Variants in DNAH11 observed in about 807,000 individuals in gnomAD.
The protein encoded by DNAH11 is axonemal beta dynein heavy chain 11.
In DNAH11, 442 loss-of-function variants were observed where a neutral mutation model predicts 526.0. That is an observed-to-expected ratio of 0.84 (90% CI 0.78 to 0.91). DNAH11 has a LOEUF of 0.91. DNAH11 is among the 40% of genes least tolerant of loss of function. The pLI is 0.00. For missense variants in DNAH11, 6,989 were observed against 5,448.7 expected (o/e 1.28, Z -8.90); for synonymous variants, 2,461 against 1,935.9 (o/e 1.27, Z -7.12).
chr7:21,775,223 G>A (rs1441974826), intron 56 of DNAH11, among the ~76,000 whole-genome samples: 3 of 152,150 alleles, frequency 2.0e-5, no homozygotes, highest in Non-Finnish European at 4.4e-5. Context: ...GGGTGAGTAG[G>A]TTTCCAGGAC....
intron 6 of DNAH11, among the ~76,000 whole-genome samples, chr7:21,564,897 T>A (rs545748005): frequency 1.4e-5 from 2 of 145,432 alleles, no homozygotes; most frequent in South Asian, 4.5e-4. Context: ...CTGCAAAATG[T>A]TAAAAAAAAA....
In DNAH11 at chr7:21,581,932, A is replaced by G; in HGVS notation, c.1621A>G (p.Lys541Glu). 1 of 1,611,276 alleles carries G rather than the reference A, an allele frequency of 6.2e-7. No individual in the cohort carries two copies. Among genetic ancestry groups the G allele is most frequent in the Non-Finnish European group, 8.5e-7 (1 of 1,178,616 alleles). ...GTTTGAAAGTGATTATGTGGCATTT[A>G]AGTCCAAAACTCTGGAATTTGACAG... Reference protein sequence around the residue: ...MEFESDYVAFKSKTLEFDRRL... With the variant: ...MEFESDYVAFESKTLEFDRRL... The change falls in exon 9 of 82, where the codon AAG (lysine) becomes GAG (glutamate). Residue 541 changes from lysine (K) to glutamate (E), a missense_variant. By Grantham distance (56) the Lys-to-Glu change is moderately conservative. Coordinates refer to ENST00000409508, the MANE Select transcript of DNAH11 (RefSeq NM_001277115.2).
rs140394867 is a variant in DNAH11 at position 21,625,443 on chromosome 7, C to G, written c.4500+5365C>G. Among the ~76,000 whole-genome samples the G allele has an allele frequency of 2.5e-3, 382 of 152,102 alleles. 2 individuals carry two copies. The highest frequency in any genetic ancestry group is 8.6e-3 in the African/African-American group (359 of 41,538). On this transcript the variant is annotated intron_variant, in intron 25 of 81. Coordinates refer to ENST00000409508, the MANE Select transcript of DNAH11 (RefSeq NM_001277115.2). ...AGGTTTGTTGATTTTGTTTACTATT[C>G]AAAAAACCAATTCTTCATTCCATTG...
chr7:21,774,154 A>G lies in DNAH11; in HGVS notation c.9336+155A>G, dbSNP rs537728777. ...CAAGAATACACTGCTACTGCTTTCA[A>G]AAGCCTACAATGGGATTGGCCGACT... is the stretch of plus-strand genomic sequence containing the variant. On this transcript the variant is annotated intron_variant, in intron 56 of 81. Coordinates refer to ENST00000409508, the MANE Select transcript of DNAH11 (RefSeq NM_001277115.2). Among the ~76,000 whole-genome samples, 9 of 152,300 alleles carry G rather than the reference A, an allele frequency of 5.9e-5. No individual in the cohort carries two copies. The South Asian group carries it at 1.9e-3, about 32-fold the overall frequency.
In DNAH11 at chr7:21,690,605, A is replaced by G. The variant is rs2965398; in HGVS notation, c.5925-160A>G. On this transcript the variant is annotated intron_variant, in intron 34 of 81. Coordinates refer to ENST00000409508, the MANE Select transcript of DNAH11 (RefSeq NM_001277115.2). ...AGGGTATTTTTAATAAATATGCTTC[A>G]AAACATATTCAAAATATGTATGGGC... Among the ~76,000 whole-genome samples, 31,036 of 152,218 alleles carry G rather than the reference A, an allele frequency of 0.2. 4,641 individuals are homozygous for G. Among genetic ancestry groups the G allele is most frequent in the African/African-American group, 0.42 (17,349 of 41,502 alleles).
chr7:21,590,702 T>G (rs1239424574), intron 12 of DNAH11, among the ~76,000 whole-genome samples: 1 of 152,146 alleles, frequency 6.6e-6, no homozygotes, highest in Non-Finnish European at 1.5e-5. Context: ...TAGAAACTAA[T>G]TTCTTGAGAT....
intron 45 of DNAH11, among the ~76,000 whole-genome samples, chr7:21,732,695 C>G (rs1230589738): frequency 6.6e-6 from 1 of 152,182 alleles, no homozygotes; most frequent in South Asian, 2.1e-4. Flanking sequence ...AATTCTGTGA[C>G]CTGGTGGAAT....
intron 25 of DNAH11, among the ~76,000 whole-genome samples, chr7:21,631,581 C>A (rs1413153176): frequency 6.6e-6 from 1 of 152,224 alleles, no homozygotes; most frequent in African/African-American, 2.4e-5. Flanking sequence ...GGGTTACAGG[C>A]CCCATGCAAG....
chr7:21,754,146 T>C (rs1261482503), intron 54 of DNAH11, among the ~76,000 whole-genome samples: 1 of 152,154 alleles, frequency 6.6e-6, no homozygotes, highest in Non-Finnish European at 1.5e-5. Context: ...TACAGAACAT[T>C]AAATAATTTT....
chr7:21,750,033 T>C (rs2128493039), intron 53 of DNAH11, among the ~76,000 whole-genome samples, 189 bp from the exon 54 acceptor site: 1 of 152,308 alleles, frequency 6.6e-6, no homozygotes, highest in Non-Finnish European at 1.5e-5. Flanking sequence ...GTAGAGGGTG[T>C]GTTCACCATG....
Position 21,599,899 on chromosome 7 carries a change from T to G in DNAH11, c.2780T>G (p.Leu927Ter). ...TTTTTTCAGGCTATAATGCACGACT[T>G]AGACTTCTTTCTGAAGAATACAGAG... ...EGFFQAIMHD[L>*]DFFLKNTEKQ... The change falls in exon 15 of 82, where the codon TTA becomes TGA. Residue 927 changes from leucine (L) to a stop codon, truncating the protein, a stop_gained. Transcript: ENST00000409508. LOFTEE classifies it high-confidence loss of function. 1 of 1,613,676 alleles carries G rather than the reference T, an allele frequency of 6.2e-7. No individual in the cohort carries two copies. Among genetic ancestry groups the G allele is most frequent in the Non-Finnish European group, 8.5e-7 (1 of 1,179,750 alleles).
At chr7:21,712,517 C>G (rs1784501395) in intron 42 of DNAH11, among the ~76,000 whole-genome samples, 1 of 152,212 alleles carries the variant, frequency 6.6e-6, no homozygotes, top group African/African-American at 2.4e-5. Context: ...TCTAATCTCT[C>G]TACACCTGTG....
chr7:21,623,906 G>A lies in DNAH11; in HGVS notation c.4500+3828G>A, dbSNP rs796119040. On this transcript the variant is annotated intron_variant, in intron 25 of 81. Coordinates refer to ENST00000409508, the MANE Select transcript of DNAH11 (RefSeq NM_001277115.2). ...GGTGCAGCACACCAGCATGGCACAT[G>A]TATACATATGTAACTAACCTGCACA... Among the ~76,000 whole-genome samples, 4 of 151,284 alleles carry A rather than the reference G, an allele frequency of 2.6e-5. No individual in the cohort carries two copies. In the South Asian group the frequency reaches 6.3e-4, roughly 24 times the overall value.
At chr7:21,811,297 CT>C (rs1009558526) in intron 63 of DNAH11, among the ~76,000 whole-genome samples, 37 of 147,862 alleles carry the variant, frequency 2.5e-4, no homozygotes, top group African/African-American at 6.9e-4. Context: ...ACCCCCCCCC[CT>C]ACTAAAAATT....
At chr7:21,836,113 ATGGAAAGATATTTCCTG>A (rs1781986962) in intron 65 of DNAH11, among the ~76,000 whole-genome samples, 1 of 152,116 alleles carries the variant, frequency 6.6e-6, no homozygotes, top group Admixed American at 6.6e-5. Context: ...ACACAGACAA[ATGGAAAGATATTTCCTG>A]TTCATGGATT....
intron 51 of DNAH11, among the ~76,000 whole-genome samples, chr7:21,746,290 A>G (rs752236725): frequency 1.2e-4 from 18 of 152,194 alleles, no homozygotes; most frequent in Non-Finnish European, 2.2e-4. Flanking sequence ...TTAAACAGAA[A>G]AAGAAAAAAG....
At chr7:21,781,370 T>C in intron 57 of DNAH11, among the ~76,000 whole-genome samples, 1 of 152,192 alleles carries the variant, frequency 6.6e-6, no homozygotes, top group East Asian at 1.9e-4. Context: ...TCAAGGGCGA[T>C]TTGAACCACT....
At chr7:21,569,188 T>C (rs1783783505) in intron 6 of DNAH11, among the ~76,000 whole-genome samples, 3 of 152,218 alleles carry the variant, frequency 2.0e-5, no homozygotes, top group African/African-American at 7.2e-5. Context: ...TGCTTCCCTC[T>C]GCTATTTTGA....
intron 43 of DNAH11, among the ~76,000 whole-genome samples, chr7:21,719,789 C>A (rs978569903): frequency 6.6e-6 from 1 of 152,176 alleles, no homozygotes; most frequent in Non-Finnish European, 1.5e-5. Flanking sequence ...GATCTGTGAT[C>A]GCTTGCGTTG....
Sources: allele counts gnomAD v4.1 joint callset (sites outside exome capture counted in the v4.1 genomes callset), GRCh38; gene constraint gnomAD v4.1.1; transcripts MANE v1.5; gene names NCBI Gene and HGNC (gene_info 2026-07-23, HGNC 2026-07-21).